Variants in UNC13A observed in about 807,000 individuals in gnomAD.
The protein encoded by UNC13A is unc-13 homolog A.
In UNC13A, 61 loss-of-function variants were observed where a neutral mutation model predicts 219.7. The observed-to-expected ratio is 0.28, with a 90% confidence interval of 0.23 to 0.34. UNC13A has a LOEUF of 0.34. Ranked by LOEUF, UNC13A falls within the 10% of genes least tolerant of loss-of-function variation. UNC13A has a pLI of 1.00. For synonymous variants in UNC13A, 920 were observed against 884.6 expected (o/e 1.04, Z -0.71); for missense variants, 1,476 against 2,270.3 (o/e 0.65, Z 7.11).
chr19:17,686,305 C>G (rs1468747306), intron 1 of UNC13A, among the ~76,000 whole-genome samples: 10 of 37,102 alleles, frequency 2.7e-4, no homozygotes, highest in East Asian at 3.8e-4. Flanking sequence ...CCCGCCCCCC[C>G]CCCCCCCCCC....
chr19:17,648,519 G>A lies in UNC13A; in HGVS notation c.1728C>T (p.Gly576=), dbSNP rs1032068196. The change falls in exon 16 of 44, where the codon GGC becomes GGT. Residue 576 remains glycine, a synonymous_variant. Transcript: ENST00000519716. The part of the protein sequence containing the change: ...YCYECEGLLW[G]IARQGMRCTE... ...TGCAGCGCATGCCCTGCCTCGCGAT[G>A]CCCCACAGCAGCCCCTCGCACTCGT... is the stretch of plus-strand genomic sequence containing the variant. The A allele has an allele frequency of 1.2e-6, 2 of 1,613,732 alleles. No individual in the cohort carries two copies. The highest frequency in any genetic ancestry group is 1.3e-5 in the African/African-American group (1 of 74,952).
In UNC13A at chr19:17,606,367, G is replaced by A. The variant is rs1235225077; in HGVS notation, c.4812-13C>T. The A allele has an allele frequency of 2.6e-6, 4 of 1,540,122 alleles. No homozygotes were observed. Among genetic ancestry groups the A allele is most frequent in the African/African-American group, 2.7e-5 (2 of 72,800 alleles). On this transcript the variant is annotated splice_polypyrimidine_tract_variant and intron_variant, in intron 43 of 43. Coordinates refer to ENST00000519716, the MANE Select transcript of UNC13A (RefSeq NM_001080421.3). ...GGCGCTCAGCGTGCTGCGTGGGGAG[G>A]GGCGGAACGTGAGACAGGCCACACC...
At chr19:17,644,525 T>C (rs1258181390) in intron 19 of UNC13A, among the ~76,000 whole-genome samples, 9 of 17,938 alleles carry the variant, frequency 5.0e-4, no homozygotes, top group Admixed American at 7.4e-4. Flanking sequence ...TTTCTTTTGT[T>C]TTTTTTTTTT....
chr19:17,679,408 TATA>T (rs548278832), intron 1 of UNC13A, among the ~76,000 whole-genome samples: 9 of 149,314 alleles, frequency 6.0e-5, no homozygotes, highest in Non-Finnish European at 1.2e-4. Context: ...TCAAAAAATA[TATA>T]ATAATAATAA....
rs2079856548 is a variant in UNC13A at position 17,674,420 on chromosome 19, AGGAGGCCAGGGC to A, written c.152+225_152+236del. ...ACAGATTGTAGGAGGTGGATGGCAC[AGGAGGCCAGGGC>A]GGAGGCTGGCGGGCAGCAGGGACTT... is the stretch of plus-strand genomic sequence containing the variant. On this transcript the variant is annotated intron_variant, in intron 3 of 43. Coordinates refer to ENST00000519716, the MANE Select transcript of UNC13A (RefSeq NM_001080421.3). The surrounding 1 kb of genome is among the most constrained non-coding windows in gnomAD (Gnocchi z 5.0). Among the ~76,000 whole-genome samples the A allele has an allele frequency of 6.6e-6, 1 of 152,204 alleles. No individual in the cohort carries two copies. The highest frequency in any genetic ancestry group is 2.1e-4 in the South Asian group (1 of 4,830).
chr19:17,648,345 G>C, intron 16 of UNC13A, 86 bp downstream of exon 16: 8 of 515,750 alleles, frequency 1.6e-5, no homozygotes, highest in South Asian at 1.1e-4. Context: ...CCCACCCATC[G>C]CCTTGCCCTT....
Position 17,688,109 on chromosome 19 carries a change from G to A in UNC13A, c.22+69C>T, listed in dbSNP as rs375133035. On this transcript the variant is annotated intron_variant, in intron 1 of 43. Coordinates refer to ENST00000519716, the MANE Select transcript of UNC13A (RefSeq NM_001080421.3). Reference sequence around the variant, plus strand: ...ACCCCCCAGGAACCCCCTGGGAGCCGCATCCACGCGGACCCCGACCCCAGC... The same window carrying A: ...ACCCCCCAGGAACCCCCTGGGAGCCACATCCACGCGGACCCCGACCCCAGC... 4.4e-5 allele frequency: 66 copies of A among 1,499,322 alleles called. No homozygotes were observed. In the East Asian group the frequency reaches 7.1e-4, roughly 16 times the overall value. The allele number at this position is 1,499,322 out of a possible 1,614,324, so 92.9% of individuals were successfully genotyped here.
At position 17,674,535 on chromosome 19, in the gene UNC13A, G is replaced by A; in HGVS notation, c.152+122C>T. On this transcript the variant is annotated intron_variant, in intron 3 of 43. Coordinates refer to ENST00000519716, the MANE Select transcript of UNC13A (RefSeq NM_001080421.3). This position sits in a 1 kb window ranked among gnomAD's most constrained non-coding sequence, Gnocchi z 5.0. Reference sequence around the variant, plus strand: ...GAGGTGAAGGTGATAAGGTGGACAGGGGAAGAGGGAGGACAGAGGGGAGTC... The same window carrying A: ...GAGGTGAAGGTGATAAGGTGGACAGAGGAAGAGGGAGGACAGAGGGGAGTC... 1.3e-6 allele frequency: 1 copy of A among 767,622 alleles called. No homozygotes were observed. Among genetic ancestry groups the A allele is most frequent in the East Asian group, 2.6e-5 (1 of 38,332 alleles). 47.6% of individuals were successfully genotyped at this position (767,622 alleles called of 1,614,324 possible).
intron 43 of UNC13A, among the ~76,000 whole-genome samples, chr19:17,607,365 G>A (rs563371870): frequency 1.5e-4 from 21 of 143,770 alleles, no homozygotes; most frequent in Admixed American, 1.3e-3. Context: ...GGGTTCAAAC[G>A]ATTCTTCTGC....
At chr19:17,623,444 G>A in intron 36 of UNC13A, 98 bp downstream of exon 36, 1 of 912,688 alleles carries the variant, frequency 1.1e-6, no homozygotes, top group Non-Finnish European at 1.6e-6. Flanking sequence ...TGAGGAGGGG[G>A]CGCTGGGTGG....
chr19:17,633,018 T>A, intron 27 of UNC13A, 90 bp downstream of exon 27: 1 of 1,604,856 alleles, frequency 6.2e-7, no homozygotes, highest in Non-Finnish European at 8.5e-7. Flanking sequence ...GGCATGAGGG[T>A]ATTATAGGGT....
intron 19 of UNC13A, among the ~76,000 whole-genome samples, chr19:17,643,396 T>C (rs1214682863): frequency 6.6e-6 from 1 of 152,068 alleles, no homozygotes; most frequent in Non-Finnish European, 1.5e-5. Context: ...CTTGGCTCAC[T>C]GCAATCTCCA....
rs2076691613 is a variant in UNC13A, at chr19:17,618,406, G to C, written c.4410+15C>G. The C allele has an allele frequency of 1.3e-6, 2 of 1,567,386 alleles. No individual in the cohort carries two copies. Among genetic ancestry groups the C allele is most frequent in the African/African-American group, 2.7e-5 (2 of 73,668 alleles). On this transcript the variant is annotated intron_variant, in intron 40 of 43. Transcript: ENST00000519716. ...ACATCCCCCACCTGGGATGGGGAGG[G>C]GTAGGGCCTCTCACCTTGATGGTGT... is the stretch of plus-strand genomic sequence containing the variant.
intron 41 of UNC13A, among the ~76,000 whole-genome samples, chr19:17,617,211 G>A (rs2076675540): frequency 6.6e-6 from 1 of 151,976 alleles, no homozygotes; most frequent in Non-Finnish European, 1.5e-5. Context: ...GACATCAGAG[G>A]TCCTGCCCAT....
chr19:17,658,195 G>A lies in UNC13A; in HGVS notation c.634C>T (p.Pro212Ser). 4 of 1,613,964 alleles carry A rather than the reference G, an allele frequency of 2.5e-6. No individual in the cohort carries two copies. Among genetic ancestry groups the A allele is most frequent in the Non-Finnish European group, 3.4e-6 (4 of 1,179,884 alleles). The change falls in exon 9 of 44, where the codon CCC becomes TCC. Residue 212 changes from proline (P) to serine (S), a missense_variant. By Grantham distance (74) the Pro-to-Ser change is moderately conservative. Transcript: ENST00000519716. ...TTGGGTTGTGACGTAGTATAATAGG[G>A]CGGCGGGATGCTGTTGCTCGTTTCA... ...RSETSNSIPP[P>S]YYTTSQPNAS...
chr19:17,617,269 C>T (rs771164483), intron 41 of UNC13A, among the ~76,000 whole-genome samples: 14 of 152,126 alleles, frequency 9.2e-5, no homozygotes, highest in Non-Finnish European at 2.1e-4. Context: ...GTCAACGATT[C>T]CCTGGACCCA....
chr19:17,615,089 G>T (rs2076648614), intron 41 of UNC13A, among the ~76,000 whole-genome samples: 1 of 152,206 alleles, frequency 6.6e-6, no homozygotes, highest in African/African-American at 2.4e-5. Context: ...CCCCTGCAGG[G>T]GAAGGTTCCT....
In UNC13A at chr19:17,641,431, G is replaced by A; in HGVS notation, c.2598C>T (p.Ala866=). The A allele has an allele frequency of 1.2e-6, 2 of 1,614,100 alleles. No individual in the cohort carries two copies. Among genetic ancestry groups the A allele is most frequent in the Non-Finnish European group, 1.7e-6 (2 of 1,180,012 alleles). The change falls in exon 21 of 44, where the codon GCC becomes GCT. Residue 866 remains alanine, a synonymous_variant. Coordinates refer to ENST00000519716, the MANE Select transcript of UNC13A (RefSeq NM_001080421.3). ...AGATGGACTCGACGCCGTAGCGCAT[G>A]GCAAACTCGTCCACAATCTCCTGGG... ...ETAQEIVDEF[A]MRYGVESIYQ...
intron 31 of UNC13A, among the ~76,000 whole-genome samples, chr19:17,628,762 T>C (rs112275799): frequency 0.024 from 3,579 of 152,078 alleles, 98 homozygotes; most frequent in African/African-American, 0.06. Context: ...ATTCATGTTA[T>C]ACCCAGTTAA....
Sources: gnomAD v4.1 joint callset for allele counts (sites outside exome capture counted in the v4.1 genomes callset) on GRCh38, gnomAD v4.1.1 for gene constraint, Gnocchi (gnomAD v3.1) non-coding constraint, MANE v1.5 for transcripts, NCBI Gene and HGNC (gene_info 2026-07-23, HGNC 2026-07-21) for gene names.